TTC7A: variants seen among roughly 807,000 people sequenced by gnomAD.
The protein encoded by TTC7A is tetratricopeptide repeat protein 7A.
Under a neutral mutation model 103.7 loss-of-function variants are expected in TTC7A, and 110 were observed. The observed-to-expected ratio is 1.06, with a 90% CI of 0.91 to 1.24. The LOEUF is 1.24. Ranked by LOEUF, TTC7A falls within the 50% of genes most tolerant of loss-of-function variation. The pLI is 0.00. For missense variants in TTC7A, 1,340 were observed against 1,116.3 expected (o/e 1.20, Z -2.86); for synonymous variants, 521 against 467.9 (o/e 1.11, Z -1.47).
chr2:46,947,456 C>T (rs1671037045), intron 1 of TTC7A, among the ~76,000 whole-genome samples: 1 of 152,222 alleles, frequency 6.6e-6, no homozygotes, highest in Non-Finnish European at 1.5e-5. Flanking sequence ...TGGTTCACAT[C>T]TGTAATCCTA....
rs1470456107 is a variant in TTC7A at position 47,075,192 on chromosome 2, C to T, written c.*1269C>T. The T allele has an allele frequency of 6.6e-6, 1 of 152,250 alleles. No individual in the cohort carries two copies. Among genetic ancestry groups the T allele is most frequent in the African/African-American group, 2.4e-5 (1 of 41,462 alleles). 9.4% of individuals were successfully genotyped at this position (152,250 alleles called of 1,614,324 possible). On this transcript the variant is annotated 3_prime_UTR_variant, in exon 20 of 20. Transcript: ENST00000319190. ...TTTCCCGAGATGATTCCCAAGACAG[C>T]TGGTGCCTCCTGGCTTTCCTGTGCC...
At chr2:47,036,681 A>T (rs1324888263) in intron 15 of TTC7A, among the ~76,000 whole-genome samples, 1 of 152,144 alleles carries the variant, frequency 6.6e-6, no homozygotes, top group Non-Finnish European at 1.5e-5. Context: ...ACATAGCAAG[A>T]CCTCGTCTGT....
chr2:46,992,283 A>G (rs1050917125), intron 5 of TTC7A, among the ~76,000 whole-genome samples: 2 of 152,200 alleles, frequency 1.3e-5, no homozygotes, highest in African/African-American at 2.4e-5. Flanking sequence ...TCAGGTGGCC[A>G]CAGTGTGCGA....
intron 19 of TTC7A, among the ~76,000 whole-genome samples, chr2:47,064,507 C>G (rs1684032258): frequency 6.6e-6 from 1 of 152,196 alleles, no homozygotes; most frequent in Non-Finnish European, 1.5e-5. Context: ...GCGCAGGAGT[C>G]GCTGGTTGAC....
At position 46,955,184 on chromosome 2, in the gene TTC7A, G is replaced by T. The variant is rs6732744; in HGVS notation, c.349-1655G>T. On this transcript the variant is annotated intron_variant, in intron 2 of 19. Transcript: ENST00000319190. ...CTGTGATAGGCAGTGAGGAGTAGGTGTTATTATCTCTCCCTCACCCACGAG... is the reference window on the plus strand; with the variant it reads ...CTGTGATAGGCAGTGAGGAGTAGGTTTTATTATCTCTCCCTCACCCACGAG... 2.6e-5 allele frequency among the ~76,000 whole-genome samples: 4 copies of T among 151,338 alleles called. No individual in the cohort carries two copies. In the East Asian group the frequency reaches 7.7e-4, roughly 29 times the overall value.
chr2:46,993,125 A>G lies in TTC7A; in HGVS notation c.765-325A>G, dbSNP rs80124476. Among the ~76,000 whole-genome samples, 38 of 152,352 alleles carry G rather than the reference A, an allele frequency of 2.5e-4. No individual in the cohort carries two copies. In the East Asian group the frequency reaches 6.9e-3, roughly 28 times the overall value. ...AGACTGACTGAGGTCAGAAAGTCTG[A>G]CACCAGCCCAAGGCTCTTAGTCCAA... is the stretch of plus-strand genomic sequence containing the variant. On this transcript the variant is annotated intron_variant, in intron 5 of 19. Coordinates refer to ENST00000319190, the MANE Select transcript of TTC7A (RefSeq NM_020458.4).
rs765413715 is a variant in TTC7A, at chr2:47,060,849, C to A, written c.2233C>A (p.His745Asn). 9.3e-6 allele frequency: 15 copies of A among 1,614,118 alleles called. 1 individual carries two copies. The South Asian group carries it at 1.4e-4, about 15-fold the overall frequency. The change falls in exon 19 of 20, where the codon CAC becomes AAC. Residue 745 changes from histidine (H) to asparagine (N), a missense_variant. Physicochemically the swap from His to Asn is moderately conservative, Grantham distance 68. Coordinates refer to ENST00000319190, the MANE Select transcript of TTC7A (RefSeq NM_020458.4). ...GGCGGCGGGCCTCTTCCCCACTTCT[C>A]ACTCAGTACTCTATATGCGGGGCCG... The part of the protein sequence containing the change: ...QEAAGLFPTS[H>N]SVLYMRGRLA...
chr2:47,051,750 C>T lies in TTC7A; in HGVS notation c.2022C>T (p.Ser674=). ...TCGTGCCCTCTTGCTCTGCAGGCTCCCGGCGGGCTTCGTCCATCGCCGCCT... is the reference window on the plus strand; with the variant it reads ...TCGTGCCCTCTTGCTCTGCAGGCTCTCGGCGGGCTTCGTCCATCGCCGCCT... ...LPDAHDADSG[S]RRASSIAASR... is the part of the protein sequence containing the mutation. The change falls in exon 18 of 20, where the codon TCC becomes TCT. Residue 674 remains serine (S), a synonymous_variant. Transcript: ENST00000319190. 6.2e-7 allele frequency: 1 copy of T among 1,609,446 alleles called. No homozygotes were observed. Among genetic ancestry groups the T allele is most frequent in the South Asian group, 1.1e-5 (1 of 90,808 alleles).
intron 14 of TTC7A, among the ~76,000 whole-genome samples, chr2:47,026,132 G>A (rs905671944): frequency 1.5e-4 from 23 of 152,244 alleles, no homozygotes; most frequent in African/African-American, 4.1e-4. Context: ...TTGAGAACTC[G>A]AGAACTCCCT....
intron 1 of TTC7A, among the ~76,000 whole-genome samples, chr2:46,943,026 C>T (rs948888727): frequency 6.6e-6 from 1 of 152,120 alleles, no homozygotes; most frequent in African/African-American, 2.4e-5. Flanking sequence ...CCACCTCAGC[C>T]TCCCAAGTAG....
chr2:47,003,269 G>A (rs560576371), intron 8 of TTC7A, among the ~76,000 whole-genome samples: 1 of 152,274 alleles, frequency 6.6e-6, no homozygotes, highest in South Asian at 2.1e-4. Context: ...TGAACCAGAC[G>A]GGGGCATGTG....
upstream of TTC7A, chr2:46,916,081 T>G (rs923985925): frequency 6.1e-5 from 60 of 985,328 alleles, no homozygotes; most frequent in Non-Finnish European, 7.0e-5. Flanking sequence ...CTCAGGAACG[T>G]AGTTCCACGG....
At chr2:46,919,149 A>G (rs1425898830) in intron 2 of TTC7A, among the ~76,000 whole-genome samples, 4 of 152,256 alleles carry the variant, frequency 2.6e-5, no homozygotes, top group Admixed American at 2.6e-4. Context: ...TAAGATTTCA[A>G]TTTACACCTT....
At chr2:46,958,520 A>G (rs1672092464) in intron 3 of TTC7A, 2 of 1,302,968 alleles carry the variant, frequency 1.5e-6, no homozygotes, top group Non-Finnish European at 2.0e-6. Flanking sequence ...TTGGGGGAAC[A>G]CAGTCCCGGT....
intron 19 of TTC7A, chr2:47,068,611 G>A (rs1046775257): frequency 1.3e-5 from 2 of 152,062 alleles, no homozygotes; most frequent in Non-Finnish European, 1.5e-5. Context: ...CCATGGTGTG[G>A]GGGGTATGAG....
chr2:46,950,894 T>TA (rs1411101617), intron 2 of TTC7A, among the ~76,000 whole-genome samples: 2 of 152,160 alleles, frequency 1.3e-5, no homozygotes, highest in Admixed American at 1.3e-4. Flanking sequence ...TCAGTGTGAC[T>TA]AAAAAAAATC....
chr2:47,037,895 C>G (rs1311688355), intron 15 of TTC7A, among the ~76,000 whole-genome samples: 1 of 152,124 alleles, frequency 6.6e-6, no homozygotes, highest in Non-Finnish European at 1.5e-5. Context: ...TTTATGTGCA[C>G]GATGTCCTGC....
intron 11 of TTC7A, among the ~76,000 whole-genome samples, chr2:47,020,645 G>T (rs573178865): frequency 6.6e-6 from 1 of 152,226 alleles, no homozygotes; most frequent in Non-Finnish European, 1.5e-5. Context: ...CTCTCCCGCC[G>T]TCTCCCTCCA....
chr2:47,047,360 C>G, intron 16 of TTC7A: 1 of 1,497,628 alleles, frequency 6.7e-7, no homozygotes, highest in Non-Finnish European at 9.1e-7. Context: ...AGTAAAACAC[C>G]TTGGGCAAAG....
Sources: gnomAD v4.1 joint callset for allele counts (sites outside exome capture counted in the v4.1 genomes callset) on GRCh38, gnomAD v4.1.1 for gene constraint, MANE v1.5 for transcripts, NCBI Gene and HGNC (gene_info 2026-07-23, HGNC 2026-07-21) for gene names.